The following FOXP1 variants were observed in gnomAD, a reference collection of about 807,000 sequenced individuals.
FOXP1 encodes the protein forkhead box P1, also known as forkhead box protein P1.
A neutral mutation model predicts 98.2 loss-of-function variants in FOXP1; 15 were observed. The ratio of observed to expected loss-of-function variants is 0.15; its 90% confidence interval spans 0.10 to 0.24. The LOEUF (loss-of-function observed/expected upper bound fraction) is 0.24. FOXP1 is among the 10% of genes least tolerant of loss of function. The pLI, the probability that FOXP1 is intolerant of heterozygous loss-of-function variation, is 1.00. For synonymous variants in FOXP1, 371 were observed against 314.5 expected (o/e 1.18, Z -1.90); for missense variants, 633 against 848.5 (o/e 0.75, Z 3.15).
intron 4 of FOXP1, among the ~76,000 whole-genome samples, chr3:71,344,354 C>T (rs2077196449): frequency 1.3e-5 from 2 of 152,162 alleles, no homozygotes; most frequent in Admixed American, 1.3e-4. Context: ...AAATTAGCTG[C>T]ATTTTCAAAA....
chr3:71,091,972 G>A (rs1436075514), intron 7 of FOXP1, among the ~76,000 whole-genome samples: 1 of 152,128 alleles, frequency 6.6e-6, no homozygotes, highest in Admixed American at 6.5e-5. Flanking sequence ...CAGATCACTT[G>A]AGGTCAGGAG....
chr3:71,319,357 C>T (rs1421123838), intron 4 of FOXP1, among the ~76,000 whole-genome samples: 2 of 152,032 alleles, frequency 1.3e-5, no homozygotes. Context: ...CTTTCATTTG[C>T]CTGCTTCTAG....
chr3:71,311,964 C>T (rs931310506), intron 4 of FOXP1, among the ~76,000 whole-genome samples: 5 of 152,188 alleles, frequency 3.3e-5, no homozygotes, highest in African/African-American at 4.8e-5. Context: ...AAGCTCACCA[C>T]CTCTCTAGCT....
At chr3:71,038,729 T>C (rs1290346254) in intron 11 of FOXP1, among the ~76,000 whole-genome samples, 1 of 151,796 alleles carries the variant, frequency 6.6e-6, no homozygotes, top group African/African-American at 2.4e-5. Flanking sequence ...AATGGTGTGA[T>C]CATGGCTCAC....
At position 71,401,892 on chromosome 3, in the gene FOXP1, G is replaced by C. The variant is rs373319876; in HGVS notation, c.-167-42648C>G. On this transcript the variant is annotated intron_variant, in intron 3 of 20. Coordinates refer to ENST00000649528, the MANE Select transcript of FOXP1 (RefSeq NM_001349338.3). ...CCAGGCAGCCGTTACTTCCTCCCTG[G>C]AGCACCAATTCAGTCCAGCTGGGAA... Among the ~76,000 whole-genome samples the C allele has an allele frequency of 9.9e-5, 15 of 152,274 alleles. No homozygotes were observed. The East Asian group carries it at 1.7e-3, about 18-fold the overall frequency.
intron 5 of FOXP1, among the ~76,000 whole-genome samples, chr3:71,240,497 A>G (rs1198774618): frequency 6.6e-6 from 1 of 152,338 alleles, no homozygotes; most frequent in South Asian, 2.1e-4. Flanking sequence ...GGGGGAAAAA[A>G]GAAGTTCCTT....
intron 5 of FOXP1, chr3:71,296,317 T>C (rs1576826865): frequency 1.3e-5 from 2 of 152,250 alleles, no homozygotes; most frequent in African/African-American, 4.8e-5. Flanking sequence ...GCTGATTTTT[T>C]TGTCCATTGC....
chr3:71,427,246 G>A (rs1299739661), intron 3 of FOXP1, among the ~76,000 whole-genome samples: 1 of 152,060 alleles, frequency 6.6e-6, no homozygotes, highest in Non-Finnish European at 1.5e-5. Context: ...CACAAATATA[G>A]TACTCAATCC....
At chr3:71,156,181 G>C (rs1374709396) in intron 6 of FOXP1, among the ~76,000 whole-genome samples, 1 of 152,186 alleles carries the variant, frequency 6.6e-6, no homozygotes, top group East Asian at 1.9e-4. Flanking sequence ...CCAGCTCCAG[G>C]GGGAGGGGGG....
chr3:71,111,534 A>G (rs2057923468), intron 7 of FOXP1, among the ~76,000 whole-genome samples: 3 of 152,106 alleles, frequency 2.0e-5, no homozygotes, highest in Admixed American at 2.0e-4. Flanking sequence ...AGTAGCTGGG[A>G]TTACAGGCAC....
chr3:71,003,688 C>A (rs1016287942), intron 12 of FOXP1, among the ~76,000 whole-genome samples: 1 of 152,098 alleles, frequency 6.6e-6, no homozygotes, highest in African/African-American at 2.4e-5. Flanking sequence ...ATAAGGTTCA[C>A]GACTGAAGGA....
At chr3:71,118,837 G>T (rs1252216096) in intron 6 of FOXP1, among the ~76,000 whole-genome samples, 1 of 152,176 alleles carries the variant, frequency 6.6e-6, no homozygotes, top group Non-Finnish European at 1.5e-5. Context: ...TTTGAATACA[G>T]TTAAGCTCAT....
chr3:71,425,217 G>C (rs1302499031), intron 3 of FOXP1, among the ~76,000 whole-genome samples: 1 of 152,110 alleles, frequency 6.6e-6, no homozygotes, highest in African/African-American at 2.4e-5. Context: ...CCAGGTTCAA[G>C]CAATTCTCCT....
intron 3 of FOXP1, among the ~76,000 whole-genome samples, chr3:71,404,427 G>A (rs1294912530): frequency 2.6e-5 from 4 of 151,924 alleles, no homozygotes; most frequent in African/African-American, 9.7e-5. Flanking sequence ...AGGCCGGCCT[G>A]TATTGGGTTA....
Position 70,959,234 on chromosome 3 carries a change from C to T in FOXP1, c.*13G>A, listed in dbSNP as rs2106853275. The T allele has an allele frequency of 1.9e-6, 3 of 1,612,408 alleles. No homozygotes were observed. The highest frequency in any genetic ancestry group is 2.5e-6 in the Non-Finnish European group (3 of 1,179,414). ...TTCCAATCTTCATTCTCGGGGTTGGCCCGCCCCGATAGTCACTCCATGTCC... is the reference window on the plus strand; with the variant it reads ...TTCCAATCTTCATTCTCGGGGTTGGTCCGCCCCGATAGTCACTCCATGTCC... On this transcript the variant is annotated 3_prime_UTR_variant, in exon 21 of 21. Transcript: ENST00000649528.
intron 6 of FOXP1, among the ~76,000 whole-genome samples, chr3:71,187,804 G>GA (rs2062736822): frequency 6.6e-6 from 1 of 151,840 alleles, no homozygotes; most frequent in Admixed American, 6.6e-5. Context: ...TCCATAGGAA[G>GA]AAAAAAATGA....
chr3:71,313,432 G>C (rs1312464568), intron 4 of FOXP1, among the ~76,000 whole-genome samples: 1 of 152,056 alleles, frequency 6.6e-6, no homozygotes, highest in Non-Finnish European at 1.5e-5. Context: ...CTGAAAACAG[G>C]CTATCAAAAA....
At chr3:71,265,654 T>C (rs2069569161) in intron 5 of FOXP1, among the ~76,000 whole-genome samples, 1 of 152,178 alleles carries the variant, frequency 6.6e-6, no homozygotes, top group South Asian at 2.1e-4. Flanking sequence ...TGTGCAGACT[T>C]AGGTTTCCCA....
upstream of FOXP1, chr3:71,583,846 C>A (rs1417269144): frequency 1.0e-6 from 1 of 986,378 alleles, no homozygotes; most frequent in African/African-American, 1.7e-5. Flanking sequence ...GCAGCACCGG[C>A]CCGGGGGCGC....
Sources: allele counts gnomAD v4.1 joint callset (sites outside exome capture counted in the v4.1 genomes callset), GRCh38; gene constraint gnomAD v4.1.1; transcripts MANE v1.5; gene names NCBI Gene and HGNC (gene_info 2026-07-23, HGNC 2026-07-21).